The following ITGB6 variants were observed in gnomAD, a reference collection of about 807,000 sequenced individuals.
ITGB6 encodes the protein integrin beta-6.
Under a neutral mutation model 84.5 loss-of-function variants are expected in ITGB6, and 80 were observed. The ratio of observed to expected loss-of-function variants is 0.95; its 90% CI spans 0.79 to 1.14. The LOEUF (loss-of-function observed/expected upper bound fraction) is 1.14, where lower values mean the gene tolerates loss of function less well. Among genes scored for constraint, ITGB6 ranks in the 50% most tolerant of loss-of-function variants. The pLI is 0.00. For missense variants in ITGB6, 1,006 were observed against 968.0 expected (o/e 1.04, Z -0.52); for synonymous variants, 383 against 354.9 (o/e 1.08, Z -0.89).
At position 160,143,956 on chromosome 2, in the gene ITGB6, G is replaced by T. The variant is rs568818095; in HGVS notation, c.1018-1885C>A. On this transcript the variant is annotated intron_variant, in intron 7 of 14. Coordinates refer to ENST00000283249, the MANE Select transcript of ITGB6 (RefSeq NM_000888.5). ...AATGGGTTTTGGTTTTGATTTGAGG[G>T]TTTCTAATGTTCCTCTTATTTCAGT... 2.6e-5 allele frequency among the ~76,000 whole-genome samples: 4 copies of T among 152,264 alleles called. No homozygotes were observed. The South Asian group carries it at 8.3e-4, about 32-fold the overall frequency.
At chr2:160,155,558 G>T (rs1364835854) in intron 7 of ITGB6, among the ~76,000 whole-genome samples, 1 of 152,190 alleles carries the variant, frequency 6.6e-6, no homozygotes, top group African/African-American at 2.4e-5. Flanking sequence ...TATGGAGAGA[G>T]TAGGTATATG....
intron 13 of ITGB6, among the ~76,000 whole-genome samples, chr2:160,111,156 C>T (rs1387111722): frequency 1.3e-5 from 2 of 151,574 alleles, no homozygotes; most frequent in Non-Finnish European, 2.9e-5. Flanking sequence ...AAATCACCAA[C>T]TAGATACAAA....
chr2:160,124,027 A>G (rs1389728309), intron 11 of ITGB6, 139 bp from the exon 12 acceptor site: 9 of 591,338 alleles, frequency 1.5e-5, no homozygotes, highest in East Asian at 8.8e-5. Flanking sequence ...TTACTTTCAA[A>G]AGGATAGTAG....
Position 160,107,663 on chromosome 2 carries a change from C to CA in ITGB6, c.2268+15_2268+16insT. ...TTTCTCCCCTAGACAAGGAGTAGCCCTAAGTTTCCACATACCGTTTGCCAC... is the reference window on the plus strand; with the variant it reads ...TTTCTCCCCTAGACAAGGAGTAGCCCATAAGTTTCCACATACCGTTTGCCAC... On this transcript the variant is annotated intron_variant, in intron 14 of 14. Transcript: ENST00000283249. 1 of 1,613,340 alleles carries CA rather than the reference C, an allele frequency of 6.2e-7. No homozygotes were observed. The highest frequency in any genetic ancestry group is 8.5e-7 in the Non-Finnish European group (1 of 1,179,386).
At chr2:160,128,364 C>T (rs1004110790) in intron 10 of ITGB6, among the ~76,000 whole-genome samples, 3 of 151,398 alleles carry the variant, frequency 2.0e-5, no homozygotes, top group African/African-American at 7.3e-5. Flanking sequence ...ATGGATACAG[C>T]CAAAGTTGCA....
At chr2:160,111,694 C>T (rs542961637) in intron 13 of ITGB6, among the ~76,000 whole-genome samples, 108 of 151,496 alleles carry the variant, frequency 7.1e-4, no homozygotes, top group Non-Finnish European at 9.6e-4. Flanking sequence ...ATTCTCCTGC[C>T]TCAGCCTCCC....
rs545696714 is a variant in ITGB6 at position 160,112,921 on chromosome 2, A to G, written c.1982-722T>C. On this transcript the variant is annotated intron_variant, in intron 12 of 14. Coordinates refer to ENST00000283249, the MANE Select transcript of ITGB6 (RefSeq NM_000888.5). ...AATTAAAAGTAAAGTAAAATGGCCA[A>G]TCTGAGATGCCAGTACTATCTACCA... Among the ~76,000 whole-genome samples the G allele has an allele frequency of 4.6e-5, 7 of 152,362 alleles. No individual in the cohort carries two copies. In the East Asian group the frequency reaches 1.3e-3, roughly 29 times the overall value.
chr2:160,119,835 C>T (rs1682951371), intron 12 of ITGB6, among the ~76,000 whole-genome samples: 1 of 152,054 alleles, frequency 6.6e-6, no homozygotes, highest in Admixed American at 6.6e-5. Context: ...AAACAAACAA[C>T]CCCATCAAAA....
Position 160,100,006 on chromosome 2 carries a change from C to A in ITGB6, c.*1730G>T, listed in dbSNP as rs868702989. ...CCTGTATATTGCTGTAGATTTCCCC[C>A]AGGTTCTGCGCATCAGTCAGGAACA... On this transcript the variant is annotated 3_prime_UTR_variant, in exon 15 of 15. Coordinates refer to ENST00000283249, the MANE Select transcript of ITGB6 (RefSeq NM_000888.5). 1 of 152,194 alleles carries A rather than the reference C, an allele frequency of 6.6e-6. No individual in the cohort carries two copies. Among genetic ancestry groups the A allele is most frequent in the African/African-American group, 2.4e-5 (1 of 41,440 alleles). 9.4% of individuals were successfully genotyped at this position (152,194 alleles called of 1,614,324 possible).
At chr2:160,180,197 A>G (rs182483599) in intron 4 of ITGB6, among the ~76,000 whole-genome samples, 1 of 152,256 alleles carries the variant, frequency 6.6e-6, no homozygotes, top group Admixed American at 6.5e-5. Flanking sequence ...TCTTTTCAAA[A>G]ATGTAAACCA....
intron 10 of ITGB6, among the ~76,000 whole-genome samples, chr2:160,134,948 A>T (rs1683642256): frequency 1.3e-5 from 2 of 152,196 alleles, no homozygotes; most frequent in African/African-American, 2.4e-5. Context: ...AGCCAATATC[A>T]TACTGAATGG....
intron 8 of ITGB6, among the ~76,000 whole-genome samples, chr2:160,140,375 C>T (rs995526282): frequency 4.6e-5 from 7 of 152,160 alleles, no homozygotes; most frequent in African/African-American, 1.7e-4. Context: ...TATTTGGGAT[C>T]TTAAAGTGAG....
At chr2:160,168,218 T>G (rs1685079019) in intron 7 of ITGB6, among the ~76,000 whole-genome samples, 3 of 152,192 alleles carry the variant, frequency 2.0e-5, no homozygotes, top group Non-Finnish European at 1.5e-5. Flanking sequence ...TAGCATCTCC[T>G]GCTGGATCCT....
intron 4 of ITGB6, among the ~76,000 whole-genome samples, chr2:160,182,236 A>G (rs1685708765): frequency 1.3e-5 from 2 of 152,202 alleles, no homozygotes; most frequent in African/African-American, 4.8e-5. Flanking sequence ...AAGGAAGCTA[A>G]GAACCTTGAA....
rs968390005 is a variant in ITGB6 at position 160,100,156 on chromosome 2, A to G, written c.*1580T>C. On this transcript the variant is annotated 3_prime_UTR_variant, in exon 15 of 15. Coordinates refer to ENST00000283249, the MANE Select transcript of ITGB6 (RefSeq NM_000888.5). ...AGAAACCAGCAAAAAAAGAGTCTCC[A>G]AGTGATCAAAGGTATATGGATCTAT... 1.3e-5 allele frequency: 2 copies of G among 152,212 alleles called. No homozygotes were observed. Among genetic ancestry groups the G allele is most frequent in the African/African-American group, 4.8e-5 (2 of 41,444 alleles). 9.4% of individuals were successfully genotyped at this position (152,212 alleles called of 1,614,324 possible). A position where few individuals can be genotyped will look rare whatever the true frequency, so the allele number is the denominator to read the frequency against.
At chr2:160,137,061 A>T in intron 10 of ITGB6, among the ~76,000 whole-genome samples, 1 of 86,224 alleles carries the variant, frequency 1.2e-5, no homozygotes, top group East Asian at 2.5e-4. Flanking sequence ...ATAAAAAAAA[A>T]AAGAAAAAAA....
At chr2:160,113,293 C>T (rs1682613309) in intron 12 of ITGB6, among the ~76,000 whole-genome samples, 2 of 152,176 alleles carry the variant, frequency 1.3e-5, no homozygotes, top group South Asian at 4.1e-4. Context: ...TTTTCTGAAT[C>T]TAACAAAAAT....
chr2:160,179,234 A>G (rs1685561644), intron 4 of ITGB6, among the ~76,000 whole-genome samples: 2 of 151,976 alleles, frequency 1.3e-5, no homozygotes, highest in African/African-American at 2.4e-5. Context: ...TTCCTGAGTG[A>G]GGTTAGAAAT....
intron 4 of ITGB6, among the ~76,000 whole-genome samples, chr2:160,188,809 T>C (rs1297141599): frequency 6.6e-6 from 1 of 152,048 alleles, no homozygotes; most frequent in East Asian, 1.9e-4. Context: ...TTTTACCACA[T>C]TGGCCAGGCT....
Sources: gnomAD v4.1 joint callset for allele counts (sites outside exome capture counted in the v4.1 genomes callset) on GRCh38, gnomAD v4.1.1 for gene constraint, MANE v1.5 for transcripts, NCBI Gene and HGNC (gene_info 2026-07-23, HGNC 2026-07-21) for gene names.